USP10: variants seen among roughly 807,000 people sequenced by gnomAD.
The protein encoded by USP10 is ubiquitin carboxyl-terminal hydrolase 10.
Under a neutral mutation model 84.5 loss-of-function variants are expected in USP10, and 22 were observed. The ratio of observed to expected loss-of-function variants is 0.26; its 90% CI spans 0.19 to 0.37. USP10 has a LOEUF of 0.37. USP10 is among the 10% of genes least tolerant of loss of function. USP10 has a pLI of 1.00. For missense variants in USP10, 1,019 were observed against 998.9 expected, an observed-to-expected ratio of 1.02 and a Z score of -0.27; for synonymous variants, 454 against 387.6, an observed-to-expected ratio of 1.17 and a Z score of -2.01.
At chr16:84,727,839 C>T (rs192616565) in intron 1 of USP10, among the ~76,000 whole-genome samples, 4 of 152,322 alleles carry the variant, frequency 2.6e-5, no homozygotes, top group Non-Finnish European at 4.4e-5. Context: ...CACAGTAATA[C>T]GTTACCACTT....
At chr16:84,723,689 G>A (rs1018138491) in intron 1 of USP10, among the ~76,000 whole-genome samples, 3 of 152,204 alleles carry the variant, frequency 2.0e-5, no homozygotes, top group Admixed American at 6.5e-5. Context: ...AACAAAGATG[G>A]ATCTAACTCG....
intron 2 of USP10, among the ~76,000 whole-genome samples, chr16:84,737,696 C>G (rs1048172988): frequency 2.0e-5 from 3 of 152,196 alleles, no homozygotes; most frequent in African/African-American, 4.8e-5. Flanking sequence ...GGCAGTGTCA[C>G]CTGCTGGCAC....
intron 1 of USP10, among the ~76,000 whole-genome samples, chr16:84,725,121 C>T (rs1004877885): frequency 6.6e-6 from 1 of 152,148 alleles, no homozygotes; most frequent in African/African-American, 2.4e-5. Context: ...TTGCAGCTAA[C>T]ACCGTAGTCC....
chr16:84,774,672 G>A (rs1033881620), intron 12 of USP10, among the ~76,000 whole-genome samples: 3 of 152,106 alleles, frequency 2.0e-5, no homozygotes, highest in African/African-American at 4.8e-5. Flanking sequence ...TGGTTTCACT[G>A]TATTAGCCAG....
intron 1 of USP10, among the ~76,000 whole-genome samples, chr16:84,725,977 G>A (rs990221682): frequency 1.3e-5 from 2 of 152,166 alleles, no homozygotes; most frequent in Non-Finnish European, 2.9e-5. Context: ...CCACTGTGAG[G>A]CTTAGCTGTG....
intron 1 of USP10, chr16:84,733,123 C>T: frequency 2.1e-6 from 1 of 485,790 alleles, no homozygotes; most frequent in South Asian, 1.5e-5. Flanking sequence ...GAACAACTGG[C>T]AGTATTTGTG....
chr16:84,735,198 TGTGTGTGTGTGTGTGTGTGTGTGTG>T (rs1909752230), intron 2 of USP10, among the ~76,000 whole-genome samples: 1 of 28,226 alleles, frequency 3.5e-5, no homozygotes, highest in African/African-American at 1.3e-4. Flanking sequence ...GCCCGGGTGG[TGTGTGTGTGTGTGTGTGTGTGTGTG>T]TGTGTGTGTG....
At chr16:84,707,244 A>G (rs1339447869) in intron 1 of USP10, among the ~76,000 whole-genome samples, 2 of 152,242 alleles carry the variant, frequency 1.3e-5, no homozygotes, top group African/African-American at 4.8e-5. Context: ...TAGTTCCTCC[A>G]TAAACATTTA....
At chr16:84,727,459 A>AAAACAAACAAAC (rs138251432) in intron 1 of USP10, among the ~76,000 whole-genome samples, 2 of 148,344 alleles carry the variant, frequency 1.3e-5, no homozygotes, top group African/African-American at 5.2e-5. Context: ...TAGCTTTAAA[A>AAAACAAACAAAC]AAACAAACAA....
At chr16:84,701,934 CTTCTTTTTTTT>C (rs1904916015) in intron 1 of USP10, among the ~76,000 whole-genome samples, 1 of 92,704 alleles carries the variant, frequency 1.1e-5, no homozygotes, top group Non-Finnish European at 2.2e-5. Flanking sequence ...TAATTTTCTT[CTTCTTTTTTTT>C]TTTTTTTTTG....
intron 10 of USP10, among the ~76,000 whole-genome samples, chr16:84,765,869 T>C (rs183794964): frequency 7.6e-4 from 116 of 152,174 alleles, no homozygotes; most frequent in Non-Finnish European, 9.3e-4. Flanking sequence ...TTCGGAAAGG[T>C]TTTTCTTTAT....
chr16:84,772,825 T>A, intron 12 of USP10, 140 bp downstream of exon 12: 1 of 1,190,794 alleles, frequency 8.4e-7, no homozygotes, highest in East Asian at 2.6e-5. Flanking sequence ...GTTTCTTGAC[T>A]TGTAATAGAC....
At chr16:84,767,639 C>T (rs1914005985) in intron 10 of USP10, among the ~76,000 whole-genome samples, 1 of 152,140 alleles carries the variant, frequency 6.6e-6, no homozygotes, top group Non-Finnish European at 1.5e-5. Flanking sequence ...CAGTAAATAA[C>T]AGTGTGGAGA....
Position 84,728,461 on chromosome 16 carries a change from T to A in USP10, c.22-4974T>A, listed in dbSNP as rs144571558. ...TTCAAGCGATTCCCCTGCCTCAGCC[T>A]CCCGGGTAGCTGGGACTACAAGCAT... On this transcript the variant is annotated intron_variant, in intron 1 of 13. Coordinates refer to ENST00000219473, the MANE Select transcript of USP10 (RefSeq NM_005153.3). 7.1e-3 allele frequency among the ~76,000 whole-genome samples: 1,081 copies of A among 152,080 alleles called. 10 individuals carry two copies. Among genetic ancestry groups the A allele is most frequent in the African/African-American group, 0.025 (1,024 of 41,488 alleles).
intron 1 of USP10, among the ~76,000 whole-genome samples, chr16:84,705,578 C>G (rs1905378053): frequency 6.6e-6 from 1 of 151,758 alleles, no homozygotes; most frequent in Non-Finnish European, 1.5e-5. Flanking sequence ...TGACTCCTCC[C>G]TCCGTCCCTT....
At position 84,764,939 on chromosome 16, in the gene USP10, A is replaced by AAAAAAATATATAT. The variant is rs370383030; in HGVS notation, c.1832+677_1832+678insAAAAATATATATA. ...TAACCACGAGAGAGAGAGAAAAAAA[A>AAAAAAATATATAT]ATATATATATATATATTAGACTTCA... On this transcript the variant is annotated intron_variant, in intron 10 of 13. Coordinates refer to ENST00000219473, the MANE Select transcript of USP10 (RefSeq NM_005153.3). Among the ~76,000 whole-genome samples the AAAAAAATATATAT allele has an allele frequency of 1.1e-3, 150 of 132,258 alleles. 1 individual carries two copies. Among genetic ancestry groups the AAAAAAATATATAT allele is most frequent in the East Asian group, 2.5e-3 (10 of 4,076 alleles). The allele number at this position is 132,258 out of a possible 152,430, so 86.8% of individuals were successfully genotyped here. A position where few individuals can be genotyped will look rare whatever the true frequency, so the allele number is the denominator to read the frequency against.
At chr16:84,709,531 G>T (rs937538654) in intron 1 of USP10, among the ~76,000 whole-genome samples, 3 of 152,080 alleles carry the variant, frequency 2.0e-5, no homozygotes, top group African/African-American at 7.2e-5. Flanking sequence ...TGCCTTTTGG[G>T]ATCATACTCT....
At chr16:84,740,173 T>C in intron 2 of USP10, 136 bp from the exon 3 acceptor site, 8 of 679,288 alleles carry the variant, frequency 1.2e-5, no homozygotes, top group Non-Finnish European at 2.0e-5. Context: ...TCTTCATGTA[T>C]GTTATTCTGC....
intron 8 of USP10, among the ~76,000 whole-genome samples, chr16:84,760,775 G>C (rs898602772): frequency 5.3e-5 from 8 of 152,126 alleles, no homozygotes; most frequent in African/African-American, 1.7e-4. Flanking sequence ...CAAGGGGCCA[G>C]GGAGCCCTTA....
Sources: allele counts gnomAD v4.1 joint callset (sites outside exome capture counted in the v4.1 genomes callset), GRCh38; gene constraint gnomAD v4.1.1; transcripts MANE v1.5; gene names NCBI Gene and HGNC (gene_info 2026-07-23, HGNC 2026-07-21).